Variants in CREB1 observed in about 807,000 individuals in gnomAD.
CREB1 encodes the protein cyclic AMP-responsive element-binding protein 1.
In CREB1, 2 loss-of-function variants were observed where a neutral mutation model predicts 42.0. That is an observed-to-expected ratio of 0.05 (90% CI 0.02 to 0.15). The LOEUF is 0.15. CREB1 is among the 10% of genes least tolerant of loss of function. The pLI, the probability that CREB1 is intolerant of heterozygous loss-of-function variation, is 1.00. For synonymous variants in CREB1, 123 were observed against 139.9 expected (o/e 0.88, Z 0.85); for missense variants, 199 against 388.9 (o/e 0.51, Z 4.11).
At chr2:207,530,566 G>A (rs2080562332) in intron 1 of CREB1, among the ~76,000 whole-genome samples, 1 of 146,026 alleles carries the variant, frequency 6.8e-6, no homozygotes, top group African/African-American at 2.5e-5. Context: ...GCTGCCCCCC[G>A]CGCCGCTCGC....
At chr2:207,561,091 C>T in intron 3 of CREB1, 1 of 1,609,732 alleles carries the variant, frequency 6.2e-7, no homozygotes, top group South Asian at 1.1e-5. Context: ...TAACCCCAGC[C>T]TCCCATTTCA....
chr2:207,543,461 A>G (rs1414710721), intron 1 of CREB1, among the ~76,000 whole-genome samples: 1 of 152,168 alleles, frequency 6.6e-6, no homozygotes, highest in African/African-American at 2.4e-5. Flanking sequence ...TTTTTTACAA[A>G]TAAGCTGAGT....
intron 1 of CREB1, among the ~76,000 whole-genome samples, chr2:207,551,934 CAGG>C (rs2081520291): frequency 1.4e-5 from 2 of 146,982 alleles, no homozygotes; most frequent in East Asian, 4.1e-4. Context: ...CCCAGCTACT[CAGG>C]AGGCTGAGGC....
chr2:207,539,352 C>T (rs759960245), intron 1 of CREB1, among the ~76,000 whole-genome samples: 14 of 151,750 alleles, frequency 9.2e-5, no homozygotes, highest in Non-Finnish European at 1.6e-4. Context: ...CCTATTTGTA[C>T]TCTTAAAGGG....
intron 1 of CREB1, among the ~76,000 whole-genome samples, chr2:207,538,317 G>A (rs576643767): frequency 4.6e-5 from 7 of 152,044 alleles, no homozygotes; most frequent in East Asian, 1.9e-4. Context: ...AATTTAATAC[G>A]TGCATTATAC....
At chr2:207,535,613 C>G (rs920828037) in intron 1 of CREB1, among the ~76,000 whole-genome samples, 1 of 151,926 alleles carries the variant, frequency 6.6e-6, no homozygotes, top group Non-Finnish European at 1.5e-5. Context: ...TAGTGAGATT[C>G]ACCTATATGA....
In CREB1 at chr2:207,599,566, G is replaced by A. The variant is rs2086702986; in HGVS notation, c.*2508G>A. 2 of 197,520 alleles carry A rather than the reference G, an allele frequency of 1.0e-5. No homozygotes were observed. The highest frequency in any genetic ancestry group is 1.2e-4 in the Admixed American group (2 of 16,496). 12.2% of individuals were successfully genotyped at this position (197,520 alleles called of 1,614,324 possible). The stretch of plus-strand genomic sequence containing the variant: ...TTCATACCTTGAGGATGATTGCACT[G>A]GTTTTGAAGTCAGTTGCTTAATGAT... On this transcript the variant is annotated 3_prime_UTR_variant, in exon 8 of 8. Transcript: ENST00000353267.
chr2:207,542,091 A>G (rs2081120313), intron 1 of CREB1, among the ~76,000 whole-genome samples: 1 of 152,162 alleles, frequency 6.6e-6, no homozygotes, highest in Non-Finnish European at 1.5e-5. Context: ...GTTCACGGAC[A>G]TTGGACTTTT....
rs1489321466 is a variant in CREB1, at chr2:207,604,849, G to A, written c.*7791G>A. ...TCATACACTGTGTATTACTTCTTTC[G>A]TCTAGCTTTAATGTGTTGTTGAGGT... On this transcript the variant is annotated 3_prime_UTR_variant, in exon 8 of 8. Transcript: ENST00000353267. 2.0e-5 allele frequency among the ~76,000 whole-genome samples: 3 copies of A among 152,068 alleles called. No individual in the cohort carries two copies. The highest frequency in any genetic ancestry group is 7.2e-5 in the African/African-American group (3 of 41,384).
chr2:207,571,874 G>A, intron 5 of CREB1: 2 of 370,304 alleles, frequency 5.4e-6, no homozygotes, highest in East Asian at 8.6e-5. Context: ...AAAAGTACCA[G>A]CACCCCCATA....
At chr2:207,530,747 G>T (rs1339165960) in intron 1 of CREB1, among the ~76,000 whole-genome samples, 2 of 151,884 alleles carry the variant, frequency 1.3e-5, no homozygotes, top group Non-Finnish European at 2.9e-5. Flanking sequence ...TGCCATGCCC[G>T]CTTCGCAAGG....
chr2:207,545,277 G>T (rs1574785521), intron 1 of CREB1, among the ~76,000 whole-genome samples: 1 of 152,132 alleles, frequency 6.6e-6, no homozygotes, highest in Admixed American at 6.5e-5. Context: ...GCATGATCTC[G>T]GCTCACTGCA....
At chr2:207,549,060 T>C (rs1291876135) in intron 1 of CREB1, among the ~76,000 whole-genome samples, 1 of 152,218 alleles carries the variant, frequency 6.6e-6, no homozygotes, top group Non-Finnish European at 1.5e-5. Context: ...AAACTCAGCT[T>C]GATAAAGATA....
At chr2:207,569,786 G>A (rs2082283705) in intron 4 of CREB1, among the ~76,000 whole-genome samples, 1 of 151,954 alleles carries the variant, frequency 6.6e-6, no homozygotes, top group African/African-American at 2.4e-5. Context: ...GCTCACACCT[G>A]TAATCCCAGC....
At chr2:207,592,911 C>CAAAAAAGGAAAAAAAAAAAGAA (rs1553509950) in intron 7 of CREB1, among the ~76,000 whole-genome samples, 1 of 145,122 alleles carries the variant, frequency 6.9e-6, no homozygotes, top group Non-Finnish European at 1.5e-5. Flanking sequence ...GACTCCATCT[C>CAAAAAAGGAAAAAAAAAAAGAA]AAAAAAGAAA....
chr2:207,531,174 A>C (rs1177371803), intron 1 of CREB1, among the ~76,000 whole-genome samples: 1 of 152,134 alleles, frequency 6.6e-6, no homozygotes, highest in East Asian at 1.9e-4. Flanking sequence ...CGTTGGAACG[A>C]GTATCAGCCG....
At position 207,597,140 on chromosome 2, in the gene CREB1, T is replaced by C; in HGVS notation, c.*82T>C. On this transcript the variant is annotated 3_prime_UTR_variant, in exon 8 of 8. Transcript: ENST00000353267. Reference sequence around the variant, plus strand: ...CTGAAAGACAAAATAAACATTTTATTTTCTAAACATTTCTTTTTTTCTATG... The same window carrying C: ...CTGAAAGACAAAATAAACATTTTATCTTCTAAACATTTCTTTTTTTCTATG... 7.1e-7 allele frequency: 1 copy of C among 1,413,760 alleles called. No individual in the cohort carries two copies. The highest frequency in any genetic ancestry group is 2.6e-4 in the Middle Eastern group (1 of 3,898). The allele number at this position is 1,413,760 out of a possible 1,614,324, so 87.6% of individuals were successfully genotyped here.
intron 6 of CREB1, among the ~76,000 whole-genome samples, chr2:207,576,241 CT>C (rs35735523): frequency 0.6 from 60,516 of 101,078 alleles, 14,498 homozygotes; most frequent in East Asian, 0.81. Context: ...CTTTTTTTGG[CT>C]TTTTTTTTTT....
chr2:207,555,593 T>C (rs769252949), intron 1 of CREB1, 35 bp from the exon 2 acceptor site: 3 of 1,346,798 alleles, frequency 2.2e-6, no homozygotes, highest in Non-Finnish European at 1.1e-6. Context: ...CACAAAGCAC[T>C]GTGGTGCTTG....
Sources: gnomAD v4.1 joint callset for allele counts (sites outside exome capture counted in the v4.1 genomes callset) on GRCh38, gnomAD v4.1.1 for gene constraint, MANE v1.5 for transcripts, NCBI Gene and HGNC (gene_info 2026-07-23, HGNC 2026-07-21) for gene names.